KIAA1671: variants seen among roughly 807,000 people sequenced by gnomAD.
KIAA1671 encodes KIAA1671, also known as uncharacterized protein KIAA1671.
KIAA1671 carries 52 observed loss-of-function variants against 131.2 expected under a neutral mutation model. The ratio of observed to expected loss-of-function variants is 0.40; its 90% CI spans 0.32 to 0.50. The LOEUF is 0.50. Among genes scored for constraint, KIAA1671 ranks in the 20% least tolerant of loss-of-function variants. KIAA1671 has a pLI of 0.73. For synonymous variants in KIAA1671, 1,003 were observed against 961.6 expected (o/e 1.04, Z -0.80); for missense variants, 2,360 against 2,364.2 (o/e 1.00, Z 0.04).
intron 6 of KIAA1671, among the ~76,000 whole-genome samples, chr22:25,160,451 T>C (rs1933402577): frequency 6.6e-6 from 1 of 152,184 alleles, no homozygotes. Flanking sequence ...TTGGGCTTGC[T>C]CTTTCGGTTC....
intron 6 of KIAA1671, among the ~76,000 whole-genome samples, chr22:25,114,039 C>T (rs1243856408): frequency 6.6e-6 from 1 of 152,194 alleles, no homozygotes; most frequent in Non-Finnish European, 1.5e-5. Context: ...GGCGTCTTAC[C>T]CTGTGTTACA....
intron 9 of KIAA1671, among the ~76,000 whole-genome samples, chr22:25,178,748 T>C (rs1395344856): frequency 3.3e-5 from 5 of 152,112 alleles, no homozygotes; most frequent in Non-Finnish European, 7.4e-5. Context: ...AGGACCCCTG[T>C]GCAACCACAT....
In KIAA1671 at chr22:25,032,653, G is replaced by A; in HGVS notation, c.1586G>A (p.Ser529Asn). 6.5e-7 allele frequency: 1 copy of A among 1,548,198 alleles called. No individual in the cohort carries two copies. The highest frequency in any genetic ancestry group is 8.7e-7 in the Non-Finnish European group (1 of 1,144,206). ...AGCAACGAAGTCAAATATGAGAAGAGTGCTGAGCTGAGCGGCGAGTTTCCT... is the reference window on the plus strand; with the variant it reads ...AGCAACGAAGTCAAATATGAGAAGAATGCTGAGCTGAGCGGCGAGTTTCCT... Reference protein sequence around the residue: ...ASSNEVKYEKSAELSGEFPKE... With the variant: ...ASSNEVKYEKNAELSGEFPKE... The change falls in exon 4 of 13, where the codon AGT becomes AAT. Residue 529 changes from serine to asparagine, a missense_variant. Physicochemically the swap from Ser to Asn is conservative, Grantham distance 46 (BLOSUM62 1). Coordinates refer to ENST00000358431, the MANE Select transcript of KIAA1671 (RefSeq NM_001145206.2).
At chr22:25,151,629 C>T (rs1406401517) in intron 6 of KIAA1671, among the ~76,000 whole-genome samples, 1 of 151,836 alleles carries the variant, frequency 6.6e-6, no homozygotes, top group Non-Finnish European at 1.5e-5. Context: ...ATAGGTTTCA[C>T]CATGTTGGCC....
intron 6 of KIAA1671, chr22:25,052,108 A>G (rs9612840): frequency 0.15 from 23,359 of 152,624 alleles, 1,949 homozygotes; most frequent in African/African-American, 0.2. Context: ...CTTTTGGCCT[A>G]TGGCCAACCC....
intron 1 of KIAA1671, among the ~76,000 whole-genome samples, chr22:24,976,338 G>T (rs868687227): frequency 2.0e-4 from 31 of 152,246 alleles, no homozygotes; most frequent in African/African-American, 7.0e-4. Context: ...TAGAGAGGAT[G>T]AATATTTTGC....
chr22:25,088,675 C>T (rs1929862337), intron 6 of KIAA1671, among the ~76,000 whole-genome samples: 1 of 152,124 alleles, frequency 6.6e-6, no homozygotes, highest in Admixed American at 6.5e-5. Context: ...AAAAGTAATA[C>T]ACAGACATGT....
chr22:24,977,100 T>A (rs560792916), intron 1 of KIAA1671, among the ~76,000 whole-genome samples: 92 of 152,198 alleles, frequency 6.0e-4, no homozygotes, highest in African/African-American at 2.2e-3. Flanking sequence ...GCCTGTGAAG[T>A]TCTGAGCCCA....
At position 25,027,975 on chromosome 22, in the gene KIAA1671, C is replaced by A; in HGVS notation, c.-25C>A. The A allele has an allele frequency of 6.9e-7, 1 of 1,439,954 alleles. No individual in the cohort carries two copies. Among genetic ancestry groups the A allele is most frequent in the Non-Finnish European group, 9.2e-7 (1 of 1,086,746 alleles). 89.2% of individuals were successfully genotyped at this position (1,439,954 alleles called of 1,614,324 possible). A position where few individuals can be genotyped will look rare whatever the true frequency, so the allele number is the denominator to read the frequency against. On this transcript the variant is annotated 5_prime_UTR_variant, in exon 3 of 13. Transcript: ENST00000358431. ...GCTTCTCCATTCTTGAAGTTCCTAACCCCCATGAATCCACAACCATAACCA... is the reference window on the plus strand; with the variant it reads ...GCTTCTCCATTCTTGAAGTTCCTAAACCCCATGAATCCACAACCATAACCA...
intron 8 of KIAA1671, 80 bp from the exon 9 acceptor site, chr22:25,177,268 T>G: frequency 7.4e-7 from 1 of 1,345,238 alleles, no homozygotes; most frequent in Non-Finnish European, 1.0e-6. Flanking sequence ...AACGAAGCTG[T>G]GTACCGCCAA....
intron 6 of KIAA1671, among the ~76,000 whole-genome samples, chr22:25,128,905 CT>C (rs1338022453): frequency 6.6e-6 from 1 of 152,242 alleles, no homozygotes; most frequent in Non-Finnish European, 1.5e-5. Context: ...TAACCTACCC[CT>C]GTCAAGCACC....
intron 6 of KIAA1671, among the ~76,000 whole-genome samples, chr22:25,086,748 C>T (rs558734016): frequency 3.2e-4 from 48 of 152,302 alleles, no homozygotes; most frequent in Non-Finnish European, 6.0e-4. Context: ...ATATTTTCTC[C>T]ACACCAGGCT....
At chr22:24,995,526 G>A (rs1215283954) in intron 1 of KIAA1671, among the ~76,000 whole-genome samples, 2 of 150,630 alleles carry the variant, frequency 1.3e-5, no homozygotes, top group Non-Finnish European at 3.0e-5. Context: ...CTGGCTAATC[G>A]TTTTTGTATT....
chr22:25,142,305 G>T (rs948053978), intron 6 of KIAA1671, among the ~76,000 whole-genome samples: 14 of 152,284 alleles, frequency 9.2e-5, no homozygotes, highest in African/African-American at 3.1e-4. Context: ...TACACGAGAA[G>T]GGGAAAATCA....
chr22:25,000,605 C>T (rs993083233), intron 1 of KIAA1671, among the ~76,000 whole-genome samples: 6 of 151,476 alleles, frequency 4.0e-5, no homozygotes, highest in Non-Finnish European at 8.8e-5. Context: ...CAACCTCTGC[C>T]TCCTGGGTTC....
chr22:25,179,809 C>T (rs2061969470), intron 9 of KIAA1671, among the ~76,000 whole-genome samples: 1 of 152,156 alleles, frequency 6.6e-6, no homozygotes, highest in African/African-American at 2.4e-5. Flanking sequence ...GCTCGCTGGT[C>T]TTTTTTCTGT....
At position 24,974,327 on chromosome 22, in the gene KIAA1671, G is replaced by A. The variant is rs144460252; in HGVS notation, c.-208+21555G>A. Among the ~76,000 whole-genome samples, 501 of 152,202 alleles carry A rather than the reference G, an allele frequency of 3.3e-3. 4 individuals carry two copies. Among genetic ancestry groups the A allele is most frequent in the East Asian group, 9.6e-3 (50 of 5,186 alleles). On this transcript the variant is annotated intron_variant, in intron 1 of 12. Transcript: ENST00000358431. ...GATGGTGACAGGTACCAATGCTACCGTTTGTTAACCCATTAGGACATGCCA... is the reference window on the plus strand; with the variant it reads ...GATGGTGACAGGTACCAATGCTACCATTTGTTAACCCATTAGGACATGCCA...
rs192425710 is a variant in KIAA1671, at chr22:25,091,519, C to T, written c.4530+42155C>T. ...TACCTTATGGGAATCTGGTATTTTGCATTTTTCCTCTCCAAGCCAAATGAG... is the reference window on the plus strand; with the variant it reads ...TACCTTATGGGAATCTGGTATTTTGTATTTTTCCTCTCCAAGCCAAATGAG... On this transcript the variant is annotated intron_variant, in intron 6 of 12. Coordinates refer to ENST00000358431, the MANE Select transcript of KIAA1671 (RefSeq NM_001145206.2). Among the ~76,000 whole-genome samples, 479 of 152,306 alleles carry T rather than the reference C, an allele frequency of 3.1e-3. 2 individuals carry two copies. Among genetic ancestry groups the T allele is most frequent in the African/African-American group, 0.011 (461 of 41,570 alleles).
chr22:25,135,387 T>C (rs1035009770), intron 6 of KIAA1671, among the ~76,000 whole-genome samples: 2 of 152,136 alleles, frequency 1.3e-5, no homozygotes, highest in East Asian at 1.9e-4. Context: ...GGGGTTTCAC[T>C]GTGTTAGCCA....
Sources: allele counts gnomAD v4.1 joint callset (sites outside exome capture counted in the v4.1 genomes callset), GRCh38; gene constraint gnomAD v4.1.1; transcripts MANE v1.5; gene names NCBI Gene and HGNC (gene_info 2026-07-23, HGNC 2026-07-21).